The following PARD3B variants were observed in gnomAD, a reference collection of about 807,000 sequenced individuals.
PARD3B encodes the protein partitioning defective 3 homolog B.
In PARD3B, 103 loss-of-function variants were observed where a neutral mutation model predicts 130.2. That is an observed-to-expected ratio of 0.79 (90% CI 0.67 to 0.93). The LOEUF (loss-of-function observed/expected upper bound fraction) is 0.93. Among genes scored for constraint, PARD3B ranks in the 40% least tolerant of loss-of-function variants. PARD3B has a pLI of 0.00. For synonymous variants in PARD3B, 583 were observed against 553.2 expected (o/e 1.05, Z -0.76); for missense variants, 1,609 against 1,499.2 (o/e 1.07, Z -1.21).
chr2:205,177,521 G>A (rs1217535121), intron 13 of PARD3B, among the ~76,000 whole-genome samples: 1 of 152,080 alleles, frequency 6.6e-6, no homozygotes, highest in East Asian at 1.9e-4. Flanking sequence ...TCTTTTGAAG[G>A]TAAGTACCAT....
At chr2:205,262,943 G>A (rs142013213) in intron 16 of PARD3B, among the ~76,000 whole-genome samples, 221 of 152,124 alleles carry the variant, frequency 1.5e-3, no homozygotes, top group African/African-American at 4.7e-3. Context: ...TATATCAGCC[G>A]TCAGGGCTTC....
chr2:204,974,073 G>A (rs546406314), intron 3 of PARD3B, among the ~76,000 whole-genome samples: 15 of 152,086 alleles, frequency 9.9e-5, no homozygotes, highest in Non-Finnish European at 7.4e-5. Flanking sequence ...AATGTTGATC[G>A]CTATCAGAAA....
chr2:204,696,340 A>G (rs1382899927), intron 2 of PARD3B, among the ~76,000 whole-genome samples: 2 of 152,080 alleles, frequency 1.3e-5, no homozygotes, highest in Non-Finnish European at 1.5e-5. Flanking sequence ...TGAACCTTAA[A>G]CAAGCAACTA....
chr2:205,224,583 A>C (rs2038441781), intron 15 of PARD3B, among the ~76,000 whole-genome samples: 1 of 112,836 alleles, frequency 8.9e-6, no homozygotes, highest in African/African-American at 3.5e-5. Flanking sequence ...AGCCTTCCCA[A>C]CCCCTCTGGT....
chr2:205,150,888 C>T (rs2033707848), intron 10 of PARD3B, among the ~76,000 whole-genome samples: 1 of 152,074 alleles, frequency 6.6e-6, no homozygotes. Flanking sequence ...AAGACACAAT[C>T]TCAGTTAGGA....
chr2:204,891,529 C>T (rs2046445859), intron 2 of PARD3B, among the ~76,000 whole-genome samples: 1 of 152,126 alleles, frequency 6.6e-6, no homozygotes, highest in Admixed American at 6.5e-5. Context: ...CTTTATCTTG[C>T]ACAAAATGTT....
intron 2 of PARD3B, among the ~76,000 whole-genome samples, chr2:204,916,728 T>A (rs2047460658): frequency 6.6e-6 from 1 of 152,148 alleles, no homozygotes; most frequent in Non-Finnish European, 1.5e-5. Context: ...GTTCCCTTAA[T>A]GAGCAAGAAT....
At chr2:205,032,971 A>G (rs962375644) in intron 3 of PARD3B, among the ~76,000 whole-genome samples, 8 of 152,170 alleles carry the variant, frequency 5.3e-5, no homozygotes, top group African/African-American at 1.9e-4. Flanking sequence ...TGTTGCAGTA[A>G]TTGTTTGCAA....
At chr2:205,601,069 G>C (rs766803086) in intron 22 of PARD3B, among the ~76,000 whole-genome samples, 4 of 152,148 alleles carry the variant, frequency 2.6e-5, no homozygotes, top group Non-Finnish European at 5.9e-5. Context: ...GGGTCTTTGA[G>C]GAATTGCCAC....
At chr2:204,811,027 G>A (rs749016215) in intron 2 of PARD3B, among the ~76,000 whole-genome samples, 12 of 152,014 alleles carry the variant, frequency 7.9e-5, no homozygotes, top group Non-Finnish European at 1.5e-4. Flanking sequence ...TTTCTTCTTT[G>A]TTCAGTCTTG....
chr2:205,117,322 C>T (rs1043287028), intron 6 of PARD3B, among the ~76,000 whole-genome samples: 1 of 152,232 alleles, frequency 6.6e-6, no homozygotes, highest in Non-Finnish European at 1.5e-5. Context: ...CCACTGCACA[C>T]TTGTGCCTAT....
chr2:204,857,948 G>A (rs564463766), intron 2 of PARD3B, among the ~76,000 whole-genome samples: 1 of 152,184 alleles, frequency 6.6e-6, no homozygotes, highest in South Asian at 2.1e-4. Flanking sequence ...ATCCTTAATC[G>A]TCTAAAGGGA....
intron 3 of PARD3B, among the ~76,000 whole-genome samples, chr2:205,031,503 C>T (rs981427663): frequency 2.6e-5 from 4 of 152,148 alleles, no homozygotes; most frequent in South Asian, 2.1e-4. Flanking sequence ...CAAGTTCAAA[C>T]GCTGCTGACT....
chr2:204,734,353 G>GT (rs1470317346), intron 2 of PARD3B, among the ~76,000 whole-genome samples: 2 of 152,134 alleles, frequency 1.3e-5, no homozygotes, highest in Admixed American at 6.6e-5. Context: ...TTTTGAAAAA[G>GT]TTTGACATTT....
In PARD3B at chr2:205,011,829, C is replaced by T. The variant is rs1190117724; in HGVS notation, c.395-35752C>T. ...TTTTACAACCATGCATCACACTCAG[C>T]CTCTGCAGTTATGCCTGGCATCATT... On this transcript the variant is annotated intron_variant, in intron 3 of 22. Coordinates refer to ENST00000406610, the MANE Select transcript of PARD3B (RefSeq NM_001302769.2). This position sits in a 1 kb window ranked among gnomAD's most constrained non-coding sequence, Gnocchi z 4.1. Among the ~76,000 whole-genome samples the T allele has an allele frequency of 3.3e-5, 5 of 151,924 alleles. No individual in the cohort carries two copies. Among genetic ancestry groups the T allele is most frequent in the African/African-American group, 1.2e-4 (5 of 41,340 alleles).
chr2:204,818,903 A>G (rs577277889), intron 2 of PARD3B, among the ~76,000 whole-genome samples: 170 of 152,202 alleles, frequency 1.1e-3, no homozygotes, highest in Non-Finnish European at 1.4e-3. Context: ...TGCCATTTTC[A>G]TGGGAGAGTA....
At chr2:205,384,448 G>C (rs2045589984) in intron 18 of PARD3B, among the ~76,000 whole-genome samples, 1 of 151,992 alleles carries the variant, frequency 6.6e-6, no homozygotes, top group Admixed American at 6.6e-5. Context: ...ATCTGAGTAG[G>C]GATTTTGTGT....
At chr2:204,883,738 C>T (rs1272589698) in intron 2 of PARD3B, among the ~76,000 whole-genome samples, 1 of 151,304 alleles carries the variant, frequency 6.6e-6, no homozygotes, top group African/African-American at 2.4e-5. Flanking sequence ...GCCACCGCAC[C>T]TGGCCTATAT....
chr2:205,252,853 C>CAAAA (rs770957813), intron 16 of PARD3B, among the ~76,000 whole-genome samples: 8 of 80,454 alleles, frequency 9.9e-5, no homozygotes, highest in Non-Finnish European at 1.9e-4. Flanking sequence ...CCCCCCCCAC[C>CAAAA]AAAAAAAAAA....
Sources: gnomAD v4.1 joint callset for allele counts (sites outside exome capture counted in the v4.1 genomes callset) on GRCh38, gnomAD v4.1.1 for gene constraint, Gnocchi (gnomAD v3.1) non-coding constraint, MANE v1.5 for transcripts, NCBI Gene and HGNC (gene_info 2026-07-23, HGNC 2026-07-21) for gene names.